SEC23B: variants seen among roughly 807,000 people sequenced by gnomAD.
SEC23B encodes the protein protein transport protein Sec23B.
A neutral mutation model predicts 104.3 loss-of-function variants in SEC23B; 77 were observed. The ratio of observed to expected loss-of-function variants is 0.74; its 90% CI spans 0.61 to 0.89. The LOEUF is 0.89. SEC23B is among the 40% of genes least tolerant of loss of function. The probability of loss-of-function intolerance (pLI) is 0.00; values close to 1 mark genes in which losing one functional copy is unlikely to be tolerated. For missense variants in SEC23B, 885 were observed against 949.4 expected (o/e 0.93, Z 0.89); for synonymous variants, 338 against 332.5 (o/e 1.02, Z -0.18).
intron 3 of SEC23B, 139 bp from the exon 4 acceptor site, chr20:18,515,511 C>CA: frequency 3.0e-6 from 2 of 668,142 alleles, no homozygotes. Context: ...CAGGGTCTCA[C>CA]AGTGTTGCCC....
intron 11 of SEC23B, among the ~76,000 whole-genome samples, chr20:18,535,174 A>G (rs917835849): frequency 6.6e-6 from 1 of 151,896 alleles, no homozygotes; most frequent in Non-Finnish European, 1.5e-5. Context: ...TATACCATGT[A>G]GAGACACCCC....
intron 4 of SEC23B, among the ~76,000 whole-genome samples, chr20:18,523,061 C>T (rs191084517): frequency 5.7e-4 from 66 of 114,848 alleles, no homozygotes; most frequent in African/African-American, 1.8e-3. Context: ...AGCGAGACTC[C>T]GTCTCAAAAA....
rs753068995 is a variant in SEC23B, at chr20:18,527,394, A to G, written c.994-102A>G. ...CTCTGTCACAAAAAGAGAAAAGAAA[A>G]TGATTTACATGTTTTTATATTTGAT... On this transcript the variant is annotated intron_variant, in intron 8 of 19. Coordinates refer to ENST00000650089, the MANE Select transcript of SEC23B (RefSeq NM_006363.6). 35 of 800,700 alleles carry G rather than the reference A, an allele frequency of 4.4e-5. No homozygotes were observed. In the Admixed American group the frequency reaches 4.4e-4, roughly 10 times the overall value. The allele number at this position is 800,700 out of a possible 1,614,324, so 49.6% of individuals were successfully genotyped here.
chr20:18,526,490 A>T lies in SEC23B; in HGVS notation c.952A>T (p.Ile318Phe). The change falls in exon 8 of 20, where the codon ATT becomes TTT. Residue 318 changes from isoleucine (I) to phenylalanine (F), a missense_variant. Physicochemically the swap from Ile to Phe is conservative, Grantham distance 21. Coordinates refer to ENST00000650089, the MANE Select transcript of SEC23B (RefSeq NM_006363.6). ...LKIPIRSWHD[I>F]EKDNARFMKK... ...GATTCCTATTCGTTCTTGGCATGAT[A>T]TTGAGAAAGATAATGCACGATTCAT... is the stretch of plus-strand genomic sequence containing the variant. 3 of 1,614,130 alleles carry T rather than the reference A, an allele frequency of 1.9e-6. No individual in the cohort carries two copies. The highest frequency in any genetic ancestry group is 2.5e-6 in the Non-Finnish European group (3 of 1,179,998).
At chr20:18,541,040 A>C (rs2060283275) in intron 12 of SEC23B, among the ~76,000 whole-genome samples, 1 of 152,250 alleles carries the variant, frequency 6.6e-6, no homozygotes, top group Admixed American at 6.5e-5. Context: ...GATCTTAGCT[A>C]ATCTGAATAA....
At chr20:18,549,352 A>G (rs747783750) in intron 16 of SEC23B, among the ~76,000 whole-genome samples, 2 of 152,164 alleles carry the variant, frequency 1.3e-5, no homozygotes, top group Non-Finnish European at 2.9e-5. Context: ...TAGTTATAAT[A>G]CCTAATATAA....
At chr20:18,557,745 C>CTTTTTTTTTTTTTTTT (rs11477198) in intron 19 of SEC23B, among the ~76,000 whole-genome samples, 21 of 116,832 alleles carry the variant, frequency 1.8e-4, no homozygotes, top group African/African-American at 3.4e-4. Context: ...TTTTTCTTTT[C>CTTTTTTTTTTTTTTTT]TTTTTTTTTT....
chr20:18,545,903 T>C (rs551342517), intron 14 of SEC23B, 53 bp from the exon 15 acceptor site: 8 of 1,062,620 alleles, frequency 7.5e-6, no homozygotes, highest in African/African-American at 6.2e-5. Flanking sequence ...ACTTAGATTT[T>C]TCTCTCTCTT....
intron 17 of SEC23B, among the ~76,000 whole-genome samples, chr20:18,552,276 G>A (rs537102981): frequency 4.9e-4 from 74 of 152,292 alleles, no homozygotes; most frequent in African/African-American, 1.7e-3. Context: ...ATACTCCTAA[G>A]TATTTTATAA....
intron 7 of SEC23B, 61 bp from the exon 8 acceptor site, chr20:18,526,312 C>T: frequency 6.3e-7 from 1 of 1,580,604 alleles, no homozygotes; most frequent in Admixed American, 1.7e-5. Context: ...TATTGGGAAA[C>T]TGAAACCATA....
rs192187870 is a variant in SEC23B at position 18,561,209 on chromosome 20, A to T, written c.*469A>T. 8.9e-4 allele frequency: 166 copies of T among 186,818 alleles called. 1 individual carries two copies. Among genetic ancestry groups the T allele is most frequent in the African/African-American group, 3.5e-3 (147 of 42,002 alleles). The allele number at this position is 186,818 out of a possible 1,614,324, so 11.6% of individuals were successfully genotyped here. ...AATTCTCATAATTAAAGTAATGTATATGCAGGATCAAAATGAAACAAATAT... is the reference window on the plus strand; with the variant it reads ...AATTCTCATAATTAAAGTAATGTATTTGCAGGATCAAAATGAAACAAATAT... On this transcript the variant is annotated 3_prime_UTR_variant, in exon 20 of 20. Transcript: ENST00000650089.
rs1475013130 is a variant in SEC23B, at chr20:18,548,717, C to T, written c.1852C>T (p.Leu618Phe). The T allele has an allele frequency of 1.9e-6, 3 of 1,614,072 alleles. No individual in the cohort carries two copies. The African/African-American group carries it at 4.0e-5, about 22-fold the overall frequency. Reference sequence around the variant, plus strand: ...TGCCCGGCAGGACCTGACCCAGTCCCTCATCATGATCCAGCCCATTCTCTA... The same window carrying T: ...TGCCCGGCAGGACCTGACCCAGTCCTTCATCATGATCCAGCCCATTCTCTA... ...HFARQDLTQSLIMIQPILYSY... is the reference protein window; with the variant it reads ...HFARQDLTQSFIMIQPILYSY... The change falls in exon 16 of 20, where the codon CTC (leucine) becomes TTC (phenylalanine). Residue 618 changes from leucine (L) to phenylalanine (F), a missense_variant. Physicochemically the swap from Leu to Phe is conservative, Grantham distance 22. Transcript: ENST00000650089.
Position 18,548,790 on chromosome 20 carries a change from C to T in SEC23B, c.1905+20C>T, listed in dbSNP as rs1433908030. The T allele has an allele frequency of 6.2e-7, 1 of 1,612,046 alleles. No individual in the cohort carries two copies. The highest frequency in any genetic ancestry group is 8.5e-7 in the Non-Finnish European group (1 of 1,178,156). On this transcript the variant is annotated intron_variant, in intron 16 of 19. Transcript: ENST00000650089. ...CCAGAGGTGAGGCTCTACCCAAATG[C>T]TTTCCTGAGGATTGGAATCACCTAA...
chr20:18,534,645 A>G (rs775630732), intron 11 of SEC23B, among the ~76,000 whole-genome samples: 1 of 152,222 alleles, frequency 6.6e-6, no homozygotes, highest in Non-Finnish European at 1.5e-5. Flanking sequence ...GCACAATATG[A>G]AACTCTTGTT....
At chr20:18,549,748 TAGC>T (rs2060368585) in intron 16 of SEC23B, among the ~76,000 whole-genome samples, 1 of 152,040 alleles carries the variant, frequency 6.6e-6, no homozygotes, top group Non-Finnish European at 1.5e-5. Context: ...ATTACTAAAA[TAGC>T]AGGGGGATCA....
intron 17 of SEC23B, 104 bp from the exon 18 acceptor site, chr20:18,554,131 C>G: frequency 7.6e-7 from 1 of 1,312,332 alleles, no homozygotes; most frequent in East Asian, 2.4e-5. Flanking sequence ...TATTAGACTT[C>G]TTCACTAGAA....
intron 4 of SEC23B, 69 bp downstream of exon 4, chr20:18,515,805 C>T: frequency 2.0e-6 from 2 of 1,021,256 alleles, no homozygotes; most frequent in Non-Finnish European, 3.1e-6. Flanking sequence ...CCTTTGTCTT[C>T]CATGTCTCTT....
chr20:18,535,196 A>AC lies in SEC23B; in HGVS notation c.1315-448dup, dbSNP rs1270762579. 4.5e-3 allele frequency among the ~76,000 whole-genome samples: 508 copies of AC among 113,450 alleles called. 1 individual carries two copies. The highest frequency in any genetic ancestry group is 0.027 in the South Asian group (88 of 3,228). The allele number at this position is 113,450 out of a possible 152,430, so 74.4% of individuals were successfully genotyped here. A position where few individuals can be genotyped will look rare whatever the true frequency, so the allele number is the denominator to read the frequency against. On this transcript the variant is annotated intron_variant, in intron 11 of 19. Coordinates refer to ENST00000650089, the MANE Select transcript of SEC23B (RefSeq NM_006363.6). ...TGTAGAGACACCCCCTGACACACCC[A>AC]CCCCCCCCCACACACACGTAGTATA...
chr20:18,540,929 G>A (rs375924898), intron 12 of SEC23B, among the ~76,000 whole-genome samples: 1 of 152,180 alleles, frequency 6.6e-6, no homozygotes, highest in East Asian at 1.9e-4. Flanking sequence ...AAGCTTTAAA[G>A]CCAGGCATTG....
Sources: allele counts gnomAD v4.1 joint callset (sites outside exome capture counted in the v4.1 genomes callset), GRCh38; gene constraint gnomAD v4.1.1; transcripts MANE v1.5; gene names NCBI Gene and HGNC (gene_info 2026-07-23, HGNC 2026-07-21).